SYT14: variants seen among roughly 807,000 people sequenced by gnomAD.
SYT14 encodes synaptotagmin-14.
In SYT14, 32 loss-of-function variants were observed where a neutral mutation model predicts 74.2. The ratio of observed to expected loss-of-function variants is 0.43; its 90% confidence interval spans 0.33 to 0.58. SYT14 has a LOEUF of 0.58. Among genes scored for constraint, SYT14 ranks in the 20% least tolerant of loss-of-function variants. The pLI, the probability that SYT14 is intolerant of heterozygous loss-of-function variation, is 0.05. For synonymous variants in SYT14, 298 were observed against 337.7 expected (o/e 0.88, Z 1.29); for missense variants, 791 against 981.8 (o/e 0.81, Z 2.60).
intron 2 of SYT14, among the ~76,000 whole-genome samples, chr1:209,955,218 T>C (rs1488842923): frequency 1.3e-5 from 2 of 152,202 alleles, no homozygotes; most frequent in Non-Finnish European, 2.9e-5. Flanking sequence ...CTGAGCTCCC[T>C]CATCTTTTAT....
chr1:209,960,754 T>C (rs1423094043), intron 2 of SYT14, among the ~76,000 whole-genome samples: 2 of 152,210 alleles, frequency 1.3e-5, no homozygotes, highest in Admixed American at 1.3e-4. Context: ...ATTGTTGACA[T>C]AGGATGTGCA....
chr1:209,994,456 A>T (rs1277482975), intron 2 of SYT14, among the ~76,000 whole-genome samples: 2 of 152,212 alleles, frequency 1.3e-5, no homozygotes, highest in African/African-American at 2.4e-5. Context: ...AGAATTTTTT[A>T]AAACTGAAAA....
chr1:210,003,929 TTTTTAA>T (rs1202620195), intron 2 of SYT14, among the ~76,000 whole-genome samples: 2 of 152,140 alleles, frequency 1.3e-5, no homozygotes, highest in Admixed American at 1.3e-4. Flanking sequence ...TTTATTCTGC[TTTTTAA>T]TTTTTTTTCC....
chr1:209,950,888 A>G (rs2078900589), intron 1 of SYT14, among the ~76,000 whole-genome samples: 1 of 152,226 alleles, frequency 6.6e-6, no homozygotes, highest in Non-Finnish European at 1.5e-5. Context: ...ATAAGGTCAT[A>G]CATATATGGT....
chr1:210,150,621 T>C (rs2083139557), intron 7 of SYT14, among the ~76,000 whole-genome samples: 1 of 152,212 alleles, frequency 6.6e-6, no homozygotes, highest in African/African-American at 2.4e-5. Context: ...CAGCACCCTC[T>C]GTGATCGCCC....
In SYT14 at chr1:210,063,021, G is replaced by GTTT. The variant is rs11444158; in HGVS notation, c.1313-31290_1313-31288dup. On this transcript the variant is annotated intron_variant, in intron 5 of 9. Transcript: ENST00000637265. ...TTTGTTGCATGTAATATTTTTTCTAGTTTTTTTTTTTTTAACATTGATGGT... is the reference window on the plus strand; with the variant it reads ...TTTGTTGCATGTAATATTTTTTCTAGTTTTTTTTTTTTTTTTAACATTGATGGT... Among the ~76,000 whole-genome samples the GTTT allele has an allele frequency of 7.9e-3, 1,110 of 141,064 alleles. 20 individuals are homozygous for GTTT. The highest frequency in any genetic ancestry group is 0.027 in the African/African-American group (1,062 of 38,976). 92.5% of individuals were successfully genotyped at this position (141,064 alleles called of 152,430 possible). A position where few individuals can be genotyped will look rare whatever the true frequency, so the allele number is the denominator to read the frequency against.
chr1:209,990,555 A>ATATGTATATATG (rs1333212797), intron 2 of SYT14, among the ~76,000 whole-genome samples: 2 of 124,762 alleles, frequency 1.6e-5, no homozygotes, highest in African/African-American at 5.5e-5. Context: ...ATATGTATAT[A>ATATGTATATATG]TATACGTATA....
intron 5 of SYT14, among the ~76,000 whole-genome samples, chr1:210,059,449 T>TAGAGAGAGAGAGAGAG (rs796666013): frequency 2.3e-4 from 21 of 89,704 alleles, no homozygotes; most frequent in Non-Finnish European, 2.0e-4. Flanking sequence ...TATATATATA[T>TAGAGAGAGAGAGAGAG]ATAGAGAGAG....
At chr1:209,957,947 C>T (rs990498973) in intron 2 of SYT14, among the ~76,000 whole-genome samples, 1 of 151,986 alleles carries the variant, frequency 6.6e-6, no homozygotes, top group Non-Finnish European at 1.5e-5. Flanking sequence ...CCCCCTCCTT[C>T]CTTCTTTCTC....
intron 1 of SYT14, among the ~76,000 whole-genome samples, chr1:209,941,666 T>C (rs2078732764): frequency 6.6e-6 from 1 of 152,234 alleles, no homozygotes; most frequent in South Asian, 2.1e-4. Context: ...ATTGCACGCA[T>C]TGAACAATTT....
exon 10 of SYT14, chr1:210,163,851 ATC>A (rs1439956382): frequency 2.2e-6 from 1 of 453,802 alleles, no homozygotes; most frequent in Non-Finnish European, 4.4e-6. Context: ...AAAATCTTCT[ATC>A]TCAGTAATTA....
intron 2 of SYT14, among the ~76,000 whole-genome samples, chr1:210,003,675 C>T (rs1315310217): frequency 1.3e-5 from 2 of 152,110 alleles, no homozygotes; most frequent in Non-Finnish European, 1.5e-5. Flanking sequence ...ATGAACTCAT[C>T]AAAGATCATA....
intron 5 of SYT14, among the ~76,000 whole-genome samples, chr1:210,049,675 C>T (rs59254815): frequency 0.16 from 24,659 of 152,016 alleles, 6,356 homozygotes; most frequent in African/African-American, 0.55. Flanking sequence ...TGAGTGAGAA[C>T]ATGTGGTGTT....
intron 1 of SYT14, among the ~76,000 whole-genome samples, chr1:209,944,134 T>C (rs909432545): frequency 4.6e-5 from 7 of 152,332 alleles, no homozygotes; most frequent in Admixed American, 1.3e-4. Flanking sequence ...TTCAGTATTC[T>C]GAACTTAATG....
At chr1:209,983,546 T>C (rs1004983871) in intron 2 of SYT14, among the ~76,000 whole-genome samples, 1 of 152,306 alleles carries the variant, frequency 6.6e-6, no homozygotes, top group Non-Finnish European at 1.5e-5. Flanking sequence ...TCAGAATGTC[T>C]ATTTGGTTTC....
intron 5 of SYT14, among the ~76,000 whole-genome samples, chr1:210,051,422 G>GT (rs1199243426): frequency 6.6e-6 from 1 of 152,008 alleles, no homozygotes; most frequent in African/African-American, 2.4e-5. Context: ...TTTTCAATTT[G>GT]TTTTTGAATA....
At chr1:210,054,868 C>G (rs1032432977) in intron 5 of SYT14, among the ~76,000 whole-genome samples, 2 of 152,200 alleles carry the variant, frequency 1.3e-5, no homozygotes, top group South Asian at 4.1e-4. Flanking sequence ...ACTTAATTCT[C>G]TGTTTTCAGA....
At chr1:210,143,471 T>C (rs1386029945) in intron 7 of SYT14, among the ~76,000 whole-genome samples, 1 of 152,160 alleles carries the variant, frequency 6.6e-6, no homozygotes, top group Non-Finnish European at 1.5e-5. Flanking sequence ...GGGAGTATAT[T>C]ATATTCATTT....
chr1:210,104,204 A>G (rs2082120096), intron 7 of SYT14, among the ~76,000 whole-genome samples: 1 of 152,244 alleles, frequency 6.6e-6, no homozygotes. Context: ...TAACAGTTGC[A>G]GTAGAGGAAA....
Sources: allele counts gnomAD v4.1 joint callset (sites outside exome capture counted in the v4.1 genomes callset), GRCh38; gene constraint gnomAD v4.1.1; transcripts MANE v1.5; gene names NCBI Gene and HGNC (gene_info 2026-07-23, HGNC 2026-07-21).